The following SNTB1 variants were observed in gnomAD, a reference collection of about 807,000 sequenced individuals.
SNTB1 encodes the protein syntrophin beta 1, also known as beta-1-syntrophin.
A neutral mutation model predicts 48.9 loss-of-function variants in SNTB1; 36 were observed. That is an observed-to-expected ratio of 0.74 (90% CI 0.56 to 0.97). SNTB1 has a LOEUF of 0.97. SNTB1 is among the 50% of genes least tolerant of loss of function. The pLI, the probability that SNTB1 is intolerant of heterozygous loss-of-function variation, is 0.00. For missense variants in SNTB1, 786 were observed against 703.4 expected, an observed-to-expected ratio of 1.12 and a Z score of -1.33; for synonymous variants, 299 against 294.6, an observed-to-expected ratio of 1.01 and a Z score of -0.15.
chr8:120,554,280 G>C (rs1442249774), intron 4 of SNTB1, among the ~76,000 whole-genome samples: 6 of 152,288 alleles, frequency 3.9e-5, no homozygotes, highest in African/African-American at 7.2e-5. Flanking sequence ...TCTAGGGTTG[G>C]TTCCCGCTTT....
chr8:120,728,571 A>G (rs1264439623), intron 1 of SNTB1, among the ~76,000 whole-genome samples: 2 of 152,204 alleles, frequency 1.3e-5, no homozygotes, highest in African/African-American at 4.8e-5. Context: ...GCTCCCGCTT[A>G]TAAGTGAGAA....
At chr8:120,795,808 A>G (rs187775325) in intron 1 of SNTB1, among the ~76,000 whole-genome samples, 1 of 151,998 alleles carries the variant, frequency 6.6e-6, no homozygotes, top group East Asian at 1.9e-4. Context: ...TTTGTTGGCA[A>G]TCCTTGGTGT....
At chr8:120,589,494 G>A (rs1345590248) in intron 3 of SNTB1, among the ~76,000 whole-genome samples, 1 of 152,114 alleles carries the variant, frequency 6.6e-6, no homozygotes, top group East Asian at 1.9e-4. Context: ...ATCCATCTTA[G>A]TCAATCCTGG....
chr8:120,541,599 ATATT>A (rs1387208823), intron 6 of SNTB1, among the ~76,000 whole-genome samples: 1 of 152,192 alleles, frequency 6.6e-6, no homozygotes, highest in African/African-American at 2.4e-5. Context: ...TTTGACTCAA[ATATT>A]TATGTAGTCT....
intron 2 of SNTB1, among the ~76,000 whole-genome samples, chr8:120,680,250 T>C (rs1175415433): frequency 6.6e-6 from 1 of 152,200 alleles, no homozygotes; most frequent in Non-Finnish European, 1.5e-5. Context: ...CCAACTTACT[T>C]GTAGATATTC....
chr8:120,723,123 T>C (rs1818694799), intron 1 of SNTB1, among the ~76,000 whole-genome samples: 1 of 152,104 alleles, frequency 6.6e-6, no homozygotes, highest in Non-Finnish European at 1.5e-5. Flanking sequence ...TGGAGACCAT[T>C]AGTTTAGATA....
chr8:120,646,054 G>A (rs1049290340), intron 2 of SNTB1, among the ~76,000 whole-genome samples: 2 of 149,094 alleles, frequency 1.3e-5, no homozygotes, highest in African/African-American at 4.9e-5. Context: ...TCAGCTTAAG[G>A]AGATTTTGGG....
In SNTB1 at chr8:120,575,207, T is replaced by C. The variant is rs758659001; in HGVS notation, c.1015A>G (p.Lys339Glu). Residue 339 changes from lysine to glutamate, a missense_variant, in exon 4 of 7, where the codon AAA becomes GAA. Lys to Glu is a moderately conservative substitution (Grantham distance 56). Transcript: ENST00000517992. Reference protein sequence around the residue: ...LAEKVPGESKKQWKPALVVLT... With the variant: ...LAEKVPGESKEQWKPALVVLT... ...ACAACCAGGGCTGGTTTCCACTGTT[T>C]CTTGCTCTCCCCTGGCACCTGAAAA... 1 of 1,614,146 alleles carries C rather than the reference T, an allele frequency of 6.2e-7. No homozygotes were observed. The highest frequency in any genetic ancestry group is 1.1e-5 in the South Asian group (1 of 91,076).
intron 3 of SNTB1, among the ~76,000 whole-genome samples, chr8:120,588,874 C>T (rs978011723): frequency 1.3e-5 from 2 of 152,186 alleles, no homozygotes; most frequent in African/African-American, 2.4e-5. Flanking sequence ...CTGTGGGTGT[C>T]TCCCAGAAAT....
intron 1 of SNTB1, among the ~76,000 whole-genome samples, chr8:120,733,459 C>A (rs1008497429): frequency 2.0e-5 from 3 of 152,248 alleles, no homozygotes; most frequent in African/African-American, 7.2e-5. Flanking sequence ...GAGCTCCAAG[C>A]AATAGATCTT....
chr8:120,770,871 G>C (rs1481286119), intron 1 of SNTB1, among the ~76,000 whole-genome samples: 1 of 152,122 alleles, frequency 6.6e-6, no homozygotes, highest in Admixed American at 6.5e-5. Context: ...AATTTCAATG[G>C]TCTGTGCTTA....
chr8:120,677,430 C>T (rs1817855572), intron 2 of SNTB1, among the ~76,000 whole-genome samples: 1 of 152,216 alleles, frequency 6.6e-6, no homozygotes, highest in African/African-American at 2.4e-5. Context: ...TCAGCTACTA[C>T]AGATGCAGGA....
intron 1 of SNTB1, among the ~76,000 whole-genome samples, chr8:120,803,719 CT>C (rs1373634545): frequency 6.6e-6 from 1 of 152,148 alleles, no homozygotes; most frequent in East Asian, 1.9e-4. Flanking sequence ...AAATAAGGAA[CT>C]GAAGGGCTGT....
At chr8:120,729,598 A>G (rs1818818937) in intron 1 of SNTB1, among the ~76,000 whole-genome samples, 1 of 152,230 alleles carries the variant, frequency 6.6e-6, no homozygotes, top group Non-Finnish European at 1.5e-5. Flanking sequence ...TGCATTGATT[A>G]TTCAAAATTA....
intron 3 of SNTB1, among the ~76,000 whole-genome samples, chr8:120,588,213 A>G (rs2130704109): frequency 6.6e-6 from 1 of 152,288 alleles, no homozygotes; most frequent in South Asian, 2.1e-4. Context: ...TTGAAGGAAG[A>G]AAATGTTAAA....
At chr8:120,636,787 T>G (rs1018624594) in intron 2 of SNTB1, 2 of 156,516 alleles carry the variant, frequency 1.3e-5, no homozygotes, top group African/African-American at 4.8e-5. Flanking sequence ...CAAATGGTAT[T>G]TCTAGTTCTA....
chr8:120,667,044 A>G (rs1425291611), intron 2 of SNTB1, among the ~76,000 whole-genome samples: 1 of 150,556 alleles, frequency 6.6e-6, no homozygotes, highest in Non-Finnish European at 1.5e-5. Context: ...TCTCTACATC[A>G]TGGGTCAGAT....
chr8:120,722,789 T>C lies in SNTB1; in HGVS notation c.572-28881A>G, dbSNP rs181756820. Among the ~76,000 whole-genome samples the C allele has an allele frequency of 3.8e-3, 572 of 152,320 alleles. 4 individuals are homozygous for C. The highest frequency in any genetic ancestry group is 0.013 in the African/African-American group (545 of 41,584). ...ATTTTGGCTTTTGTTGCCATTGCTT[T>C]TGGTGTTTTAGACATGAAGTCCTTG... On this transcript the variant is annotated intron_variant, in intron 1 of 6. Transcript: ENST00000517992.
chr8:120,548,839 C>T lies in SNTB1; in HGVS notation c.1256G>A (p.Arg419Lys), dbSNP rs1815428262. ...ETHLFRAETSRDLSHWTRSIV... is the reference protein window; with the variant it reads ...ETHLFRAETSKDLSHWTRSIV... ...GCTCCTTGTCCAGTGGGAGAGGTCC[C>T]TGCTGGTCTCTGCTCTGAAGAGATG... The change falls in exon 5 of 7, where the codon AGG (arginine) becomes AAG (lysine). Residue 419 changes from arginine (R) to lysine (K), a missense_variant. Arg to Lys is a conservative substitution (Grantham distance 26). Transcript: ENST00000517992. The T allele has an allele frequency of 6.2e-7, 1 of 1,614,114 alleles. No homozygotes were observed. Among genetic ancestry groups the T allele is most frequent in the East Asian group, 2.2e-5 (1 of 44,874 alleles).
Sources: allele counts gnomAD v4.1 joint callset (sites outside exome capture counted in the v4.1 genomes callset), GRCh38; gene constraint gnomAD v4.1.1; transcripts MANE v1.5; gene names NCBI Gene and HGNC (gene_info 2026-07-23, HGNC 2026-07-21).